Variants in C19orf18 observed in about 807,000 individuals in gnomAD.
C19orf18 encodes the protein uncharacterized protein C19orf18.
C19orf18 carries 21 observed loss-of-function variants against 23.3 expected under a neutral mutation model. The ratio of observed to expected loss-of-function variants is 0.90; its 90% CI spans 0.64 to 1.30. C19orf18 has a LOEUF of 1.30. Ranked by LOEUF, C19orf18 falls within the 50% of genes most tolerant of loss-of-function variation. The pLI is 0.00. For missense variants in C19orf18, 249 were observed against 259.6 expected (o/e 0.96, Z 0.28); for synonymous variants, 96 against 95.2 (o/e 1.01, Z -0.05).
chr19:57,972,627 T>G, intron 2 of C19orf18, 123 bp from the exon 3 acceptor site: 8 of 1,043,556 alleles, frequency 7.7e-6, no homozygotes, highest in Non-Finnish European at 1.1e-5. Context: ...TCCAAATATC[T>G]AAGATGGGAT....
At chr19:57,960,060 G>T (rs1019892228) in intron 5 of C19orf18, among the ~76,000 whole-genome samples, 13 of 147,874 alleles carry the variant, frequency 8.8e-5, no homozygotes, top group African/African-American at 3.3e-4. Context: ...AGTGAGCCAA[G>T]ATTTCGCCAC....
intron 3 of C19orf18, among the ~76,000 whole-genome samples, chr19:57,967,068 T>C (rs376806520): frequency 6.8e-5 from 10 of 147,750 alleles, no homozygotes; most frequent in African/African-American, 2.3e-4. Context: ...TGGGCAACAG[T>C]GTGAAACTCC....
At chr19:57,971,982 T>G (rs1332846312) in intron 3 of C19orf18, among the ~76,000 whole-genome samples, 2 of 152,002 alleles carry the variant, frequency 1.3e-5, no homozygotes, top group African/African-American at 4.8e-5. Context: ...GGGTAGGTGG[T>G]GGGGGAGCTG....
chr19:57,974,275 TCTCC>T, intron 1 of C19orf18, 33 bp downstream of exon 1: 3 of 1,613,446 alleles, frequency 1.9e-6, no homozygotes, highest in Non-Finnish European at 2.5e-6. Flanking sequence ...GCTTTTCAAT[TCTCC>T]CTGAGTCACA....
At position 57,961,553 on chromosome 19, in the gene C19orf18, T is replaced by C. The variant is rs746705028; in HGVS notation, c.372-2A>G. 21 of 1,607,364 alleles carry C rather than the reference T, an allele frequency of 1.3e-5. No homozygotes were observed. Among genetic ancestry groups the C allele is most frequent in the Non-Finnish European group, 1.6e-5 (19 of 1,178,488 alleles). On this transcript the variant is annotated splice_acceptor_variant, in intron 4 of 5. Transcript: ENST00000314391. LOFTEE classifies it high-confidence loss of function. ...CTTTCCTCAGCCTGTGCCAGTCGAC[T>C]GGAGAATGATATAAATGAATTTAGA...
intron 4 of C19orf18, among the ~76,000 whole-genome samples, chr19:57,964,497 G>A (rs557059168): frequency 5.8e-4 from 88 of 152,224 alleles, no homozygotes; most frequent in Non-Finnish European, 1.2e-3. Context: ...GCCCACGCTG[G>A]TCTCAAACAC....
At chr19:57,972,790 A>T (rs1164997572) in intron 2 of C19orf18, among the ~76,000 whole-genome samples, 4 of 152,144 alleles carry the variant, frequency 2.6e-5, no homozygotes, top group African/African-American at 7.2e-5. Context: ...CTCCTTTTGC[A>T]GTCATACAAG....
chr19:57,973,028 G>C (rs2072956127), intron 2 of C19orf18, among the ~76,000 whole-genome samples: 1 of 151,214 alleles, frequency 6.6e-6, no homozygotes, highest in African/African-American at 2.4e-5. Flanking sequence ...CGCGCCTGTA[G>C]TCCCAGCTAC....
chr19:57,973,749 A>C (rs912102229), intron 2 of C19orf18, among the ~76,000 whole-genome samples: 2 of 151,642 alleles, frequency 1.3e-5, no homozygotes, highest in African/African-American at 4.8e-5. Context: ...GAAAAAAAAG[A>C]ATTCTGTACA....
chr19:57,969,879 CAA>C (rs71293938), intron 3 of C19orf18, among the ~76,000 whole-genome samples: 12 of 121,070 alleles, frequency 9.9e-5, no homozygotes, highest in Admixed American at 8.8e-5. Context: ...AACTCCATCT[CAA>C]AAAAAAAAAA....
intron 4 of C19orf18, among the ~76,000 whole-genome samples, chr19:57,966,110 C>T (rs1473376962): frequency 2.0e-5 from 3 of 151,770 alleles, no homozygotes; most frequent in South Asian, 2.1e-4. Flanking sequence ...CCCGAGGAGC[C>T]GGGACTACAG....
At chr19:57,972,115 G>A (rs953278138) in intron 3 of C19orf18, among the ~76,000 whole-genome samples, 1 of 152,210 alleles carries the variant, frequency 6.6e-6, no homozygotes, top group Non-Finnish European at 1.5e-5. Context: ...TGAAGCGAGA[G>A]GTGTTGAGGA....
chr19:57,970,404 C>A (rs2072936731), intron 3 of C19orf18, among the ~76,000 whole-genome samples: 1 of 152,116 alleles, frequency 6.6e-6, no homozygotes, highest in African/African-American at 2.4e-5. Flanking sequence ...GAAACCATAA[C>A]TTCTCCTCTT....
intron 2 of C19orf18, among the ~76,000 whole-genome samples, chr19:57,973,240 G>A (rs913484674): frequency 1.9e-4 from 28 of 146,666 alleles, no homozygotes; most frequent in Non-Finnish European, 2.1e-4. Context: ...TCCTTTCCTC[G>A]GACACAAATT....
At chr19:57,959,047 C>A (rs547812879) in intron 5 of C19orf18, among the ~76,000 whole-genome samples, 61 of 152,344 alleles carry the variant, frequency 4.0e-4, no homozygotes, top group African/African-American at 1.5e-3. Context: ...TCAGTGATCT[C>A]TCCTGCTGTG....
intron 5 of C19orf18, among the ~76,000 whole-genome samples, chr19:57,959,204 C>T (rs1279610320): frequency 6.6e-6 from 1 of 152,176 alleles, no homozygotes; most frequent in African/African-American, 2.4e-5. Flanking sequence ...CTCAGAACTT[C>T]TAGGCTGGGC....
At chr19:57,971,409 C>T (rs2072943736) in intron 3 of C19orf18, among the ~76,000 whole-genome samples, 1 of 152,082 alleles carries the variant, frequency 6.6e-6, no homozygotes, top group Admixed American at 6.5e-5. Context: ...CCCACAGCCA[C>T]CAAATCACTC....
At chr19:57,964,320 C>CA (rs1568566803) in intron 4 of C19orf18, among the ~76,000 whole-genome samples, 1 of 152,194 alleles carries the variant, frequency 6.6e-6, no homozygotes, top group Non-Finnish European at 1.5e-5. Flanking sequence ...CTCACTCTGT[C>CA]GCCCAGGAGG....
intron 4 of C19orf18, among the ~76,000 whole-genome samples, chr19:57,962,570 T>C (rs546075614): frequency 9.2e-5 from 14 of 152,240 alleles, no homozygotes; most frequent in African/African-American, 2.9e-4. Context: ...AAAATACTTT[T>C]AGGGGCCAGG....
Sources: gnomAD v4.1 joint callset for allele counts (sites outside exome capture counted in the v4.1 genomes callset) on GRCh38, gnomAD v4.1.1 for gene constraint, MANE v1.5 for transcripts, NCBI Gene and HGNC (gene_info 2026-07-23, HGNC 2026-07-21) for gene names.